Variants in HSD17B2 observed in about 807,000 individuals in gnomAD.
HSD17B2 encodes the protein hydroxysteroid 17-beta dehydrogenase 2.
Under a neutral mutation model 26.9 loss-of-function variants are expected in HSD17B2, and 32 were observed. The observed-to-expected ratio is 1.19, with a 90% confidence interval of 0.90 to 1.60. The LOEUF (loss-of-function observed/expected upper bound fraction) is 1.60, where lower values mean the gene tolerates loss of function less well. HSD17B2 is among the 40% of genes most tolerant of loss of function. The pLI is 0.00. For missense variants in HSD17B2, 613 were observed against 468.6 expected (o/e 1.31, Z -2.85); for synonymous variants, 246 against 186.7 (o/e 1.32, Z -2.59).
intron 3 of HSD17B2, among the ~76,000 whole-genome samples, chr16:82,080,775 C>T (rs1904357335): frequency 6.6e-6 from 1 of 152,136 alleles, no homozygotes; most frequent in African/African-American, 2.4e-5. Flanking sequence ...TTCAGGTCTC[C>T]ATGAACACTT....
chr16:82,050,820 T>C (rs376489862), intron 1 of HSD17B2, among the ~76,000 whole-genome samples: 2 of 152,224 alleles, frequency 1.3e-5, no homozygotes, highest in East Asian at 1.9e-4. Flanking sequence ...TTGTTTTTGT[T>C]TTTGTTTTTA....
chr16:82,090,786 G>A (rs1035621530), intron 3 of HSD17B2, 116 bp from the exon 4 acceptor site: 1 of 1,010,564 alleles, frequency 9.9e-7, no homozygotes, highest in Non-Finnish European at 1.4e-6. Flanking sequence ...GCCTGCCTTT[G>A]TCTGCCCAAG....
At chr16:82,080,756 C>T (rs950749822) in intron 3 of HSD17B2, among the ~76,000 whole-genome samples, 1 of 152,170 alleles carries the variant, frequency 6.6e-6, no homozygotes, top group African/African-American at 2.4e-5. Flanking sequence ...TCCTCCCAAT[C>T]TCATGTAATT....
chr16:82,045,121 CAAAAAAAAAAA>C (rs10565056), intron 1 of HSD17B2, among the ~76,000 whole-genome samples: 135 of 42,798 alleles, frequency 3.2e-3, no homozygotes, highest in Non-Finnish European at 6.1e-3. Context: ...AAACTCTGTC[CAAAAAAAAAAA>C]AAAAAAAAAA....
At chr16:82,040,187 T>C (rs1230669759) in intron 1 of HSD17B2, among the ~76,000 whole-genome samples, 1 of 152,206 alleles carries the variant, frequency 6.6e-6, no homozygotes, top group African/African-American at 2.4e-5. Flanking sequence ...CACAAGAAAG[T>C]GTCTCACGTG....
chr16:82,050,183 A>G (rs1914063969), intron 1 of HSD17B2, among the ~76,000 whole-genome samples: 2 of 152,180 alleles, frequency 1.3e-5, no homozygotes, highest in Admixed American at 6.5e-5. Flanking sequence ...TGCGCTTTAT[A>G]TGCTTGAAAC....
intron 3 of HSD17B2, chr16:82,090,116 T>C: frequency 2.2e-6 from 1 of 455,474 alleles, no homozygotes; most frequent in Non-Finnish European, 2.9e-6. Flanking sequence ...CCAGGATGTA[T>C]GTTATTCCTC....
chr16:82,077,217 T>G (rs1904307147), intron 3 of HSD17B2, among the ~76,000 whole-genome samples: 1 of 152,166 alleles, frequency 6.6e-6, no homozygotes, highest in Non-Finnish European at 1.5e-5. Flanking sequence ...AAAGATATCC[T>G]GAGCAGAAAG....
chr16:82,083,740 C>T (rs1453061927), intron 3 of HSD17B2, among the ~76,000 whole-genome samples: 2 of 152,180 alleles, frequency 1.3e-5, no homozygotes, highest in East Asian at 3.8e-4. Flanking sequence ...CCGTCACTTA[C>T]TAGCTCCTGA....
At chr16:82,053,155 T>C (rs1448879252) in intron 1 of HSD17B2, among the ~76,000 whole-genome samples, 1 of 152,238 alleles carries the variant, frequency 6.6e-6, no homozygotes, top group Non-Finnish European at 1.5e-5. Context: ...TAGCTAAAAG[T>C]TGCTAAGAAC....
Position 82,098,431 on chromosome 16 carries a change from A to T in HSD17B2, c.1159A>T (p.Thr387Ser). Reference sequence around the variant, plus strand: ...AATGCCTAACTACAAGAAAAAGGCCACCTAGGCAATGGAAGCCCTCAAAGA... The same window carrying T: ...AATGCCTAACTACAAGAAAAAGGCCTCCTAGGCAATGGAAGCCCTCAAAGA... ...LRMPNYKKKA[T>S] The change falls in exon 5 of 5, where the codon ACC becomes TCC. Residue 387 changes from threonine (T) to serine (S), a missense_variant. By Grantham distance (58) the Thr-to-Ser change is moderately conservative. Coordinates refer to ENST00000199936, the MANE Select transcript of HSD17B2 (RefSeq NM_002153.3). 6.3e-7 allele frequency: 1 copy of T among 1,594,508 alleles called. No individual in the cohort carries two copies. Among genetic ancestry groups the T allele is most frequent in the Non-Finnish European group, 8.5e-7 (1 of 1,170,282 alleles).
In HSD17B2 at chr16:82,035,352, G is replaced by A. The variant is rs754899597; in HGVS notation, c.-73G>A. On this transcript the variant is annotated 5_prime_UTR_variant, in exon 1 of 5. Transcript: ENST00000199936. Reference sequence around the variant, plus strand: ...TTGACTCTCTGTTCACAGAACTCAGGCTGCCTCCAGCCAGCCTTTGCCCGC... The same window carrying A: ...TTGACTCTCTGTTCACAGAACTCAGACTGCCTCCAGCCAGCCTTTGCCCGC... 52 of 1,476,476 alleles carry A rather than the reference G, an allele frequency of 3.5e-5. No homozygotes were observed. The highest frequency in any genetic ancestry group is 4.6e-5 in the Non-Finnish European group (50 of 1,082,342). 91.5% of individuals were successfully genotyped at this position (1,476,476 alleles called of 1,614,324 possible). A position where few individuals can be genotyped will look rare whatever the true frequency, so the allele number is the denominator to read the frequency against.
intron 1 of HSD17B2, among the ~76,000 whole-genome samples, chr16:82,057,980 G>T (rs112943334): frequency 5.3e-5 from 8 of 151,656 alleles, no homozygotes; most frequent in African/African-American, 1.9e-4. Flanking sequence ...ATAAAGTATA[G>T]AATTTAGTTA....
At chr16:82,057,010 AC>A (rs1296934810) in intron 1 of HSD17B2, among the ~76,000 whole-genome samples, 4 of 152,238 alleles carry the variant, frequency 2.6e-5, no homozygotes, top group Non-Finnish European at 5.9e-5. Context: ...TTAGAGCAAC[AC>A]AACAAAGTAG....
rs184267729 is a variant in HSD17B2 at position 82,037,926 on chromosome 16, T to C, written c.265+2237T>C. On this transcript the variant is annotated intron_variant, in intron 1 of 4. Transcript: ENST00000199936. The stretch of plus-strand genomic sequence containing the variant: ...GGATTAGTGTGCTGGAAATAGTTTG[T>C]AAATGAAAGGAAATAGTTTATAAAG... Among the ~76,000 whole-genome samples the C allele has an allele frequency of 1.9e-3, 286 of 152,354 alleles. 2 individuals are homozygous for C. Among genetic ancestry groups the C allele is most frequent in the African/African-American group, 6.7e-3 (278 of 41,576 alleles).
intron 1 of HSD17B2, among the ~76,000 whole-genome samples, 171 bp from the exon 2 acceptor site, chr16:82,067,999 G>T (rs1345278042): frequency 6.6e-6 from 1 of 152,084 alleles, no homozygotes; most frequent in Non-Finnish European, 1.5e-5. Context: ...TATCTGTCTG[G>T]CTTGGCTTCT....
chr16:82,080,074 A>T (rs985077783), intron 3 of HSD17B2, among the ~76,000 whole-genome samples: 1 of 152,184 alleles, frequency 6.6e-6, no homozygotes, highest in African/African-American at 2.4e-5. Flanking sequence ...GCATAGATTT[A>T]TCATGGAACT....
intron 1 of HSD17B2, among the ~76,000 whole-genome samples, chr16:82,059,828 C>A (rs974559113): frequency 1.3e-5 from 2 of 152,092 alleles, no homozygotes; most frequent in African/African-American, 2.4e-5. Context: ...TTCCCGGGCA[C>A]TTCAGTTGCT....
rs186793780 is a variant in HSD17B2 at position 82,061,914 on chromosome 16, A to G, written c.266-6256A>G. Among the ~76,000 whole-genome samples, 621 of 152,330 alleles carry G rather than the reference A, an allele frequency of 4.1e-3. 3 individuals carry two copies. Among genetic ancestry groups the G allele is most frequent in the African/African-American group, 0.014 (591 of 41,562 alleles). ...GGACAGTGCTTGTGTTCCAGGGCACATGCATCCCAGCACTCAGTCCTGTAT... is the reference window on the plus strand; with the variant it reads ...GGACAGTGCTTGTGTTCCAGGGCACGTGCATCCCAGCACTCAGTCCTGTAT... On this transcript the variant is annotated intron_variant, in intron 1 of 4. Coordinates refer to ENST00000199936, the MANE Select transcript of HSD17B2 (RefSeq NM_002153.3).
Sources: allele counts gnomAD v4.1 joint callset (sites outside exome capture counted in the v4.1 genomes callset), GRCh38; gene constraint gnomAD v4.1.1; transcripts MANE v1.5; gene names NCBI Gene and HGNC (gene_info 2026-07-23, HGNC 2026-07-21).